Variants in NOTCH2 observed in about 807,000 individuals in gnomAD.
NOTCH2 encodes the protein notch receptor 2, also known as neurogenic locus notch homolog protein 2.
In NOTCH2, 29 loss-of-function variants were observed where a neutral mutation model predicts 235.8. The ratio of observed to expected loss-of-function variants is 0.12; its 90% CI spans 0.09 to 0.17. The LOEUF (loss-of-function observed/expected upper bound fraction) is 0.17. Ranked by LOEUF, NOTCH2 falls within the 10% of genes least tolerant of loss-of-function variation. NOTCH2 has a pLI of 1.00. For synonymous variants in NOTCH2, 1,086 were observed against 1,141.5 expected (o/e 0.95, Z 0.98); for missense variants, 2,285 against 3,150.2 (o/e 0.73, Z 6.57).
At chr1:119,950,250 C>T (rs1650419459) in intron 15 of NOTCH2, 4 of 354,804 alleles carry the variant, frequency 1.1e-5, no homozygotes, top group South Asian at 8.7e-5. Context: ...CAAGCAAGCT[C>T]CCTTTGCCTC....
intron 11 of NOTCH2, among the ~76,000 whole-genome samples, chr1:119,960,494 CA>C (rs1650895281): frequency 2.0e-5 from 3 of 149,450 alleles, no homozygotes; most frequent in African/African-American, 7.4e-5. Flanking sequence ...TATCTCTTTA[CA>C]AATAATGGTA....
intron 17 of NOTCH2, among the ~76,000 whole-genome samples, chr1:119,946,959 T>G (rs782032743): frequency 5.3e-5 from 8 of 152,108 alleles, no homozygotes; most frequent in Non-Finnish European, 1.2e-4. Flanking sequence ...CTACAACTAA[T>G]AAGAAGTTAG....
intron 3 of NOTCH2, among the ~76,000 whole-genome samples, chr1:119,999,790 A>G (rs1652638090): frequency 2.6e-5 from 4 of 151,904 alleles, no homozygotes; most frequent in Admixed American, 1.3e-4. Flanking sequence ...GCTGAGGCAC[A>G]AGAATCACTC....
intron 14 of NOTCH2, among the ~76,000 whole-genome samples, chr1:119,952,437 G>C (rs1650515482): frequency 1.3e-5 from 2 of 152,062 alleles, no homozygotes; most frequent in South Asian, 4.1e-4. Context: ...GAATTGGTGG[G>C]AGCCCTGAGC....
Position 119,975,644 on chromosome 1 carries a change from CAAAAAAA to C in NOTCH2, c.875-5907_875-5901del, listed in dbSNP as rs11316344. On this transcript the variant is annotated intron_variant, in intron 5 of 33. Transcript: ENST00000256646. ...CTGGCGACAGAGCAAGACTCCATCTCAAAAAAAAAAAAAAAAAAAAATTATGGACACA... is the reference window on the plus strand; with the variant it reads ...CTGGCGACAGAGCAAGACTCCATCTCAAAAAAAAAAAAAATTATGGACACA... Among the ~76,000 whole-genome samples the C allele has an allele frequency of 3.5e-3, 353 of 99,740 alleles. 1 individual carries two copies. The highest frequency in any genetic ancestry group is 0.013 in the African/African-American group (341 of 26,868). The allele number at this position is 99,740 out of a possible 152,430, so 65.4% of individuals were successfully genotyped here.
rs1651027849 is a variant in NOTCH2 at position 119,963,655 on chromosome 1, A to G, written c.1834T>C (p.Tyr612His). The G allele has an allele frequency of 6.2e-7, 1 of 1,614,066 alleles. No homozygotes were observed. The highest frequency in any genetic ancestry group is 8.5e-7 in the Non-Finnish European group (1 of 1,180,020). The change falls in exon 11 of 34, where the codon TAC becomes CAC. Residue 612 changes from tyrosine to histidine, a missense_variant. Coordinates refer to ENST00000256646, the MANE Select transcript of NOTCH2 (RefSeq NM_024408.4). ...AICSDQIDECYSSPCLNDGRC... is the reference protein window; with the variant it reads ...AICSDQIDECHSSPCLNDGRC... Reference sequence around the variant, plus strand: ...CCATCGTTCAGGCAAGGGCTGCTGTAACATTCATCAATCTGGTCACTGCAG... The same window carrying G: ...CCATCGTTCAGGCAAGGGCTGCTGTGACATTCATCAATCTGGTCACTGCAG...
intron 4 of NOTCH2, among the ~76,000 whole-genome samples, chr1:119,989,332 A>G (rs1652141810): frequency 6.6e-6 from 1 of 152,136 alleles, no homozygotes; most frequent in Non-Finnish European, 1.5e-5. Context: ...GCACATAAAA[A>G]TTAACTCAAA....
At chr1:119,942,621 T>A (rs1202898681) in intron 17 of NOTCH2, among the ~76,000 whole-genome samples, 1 of 152,240 alleles carries the variant, frequency 6.6e-6, no homozygotes, top group Non-Finnish European at 1.5e-5. Context: ...ACAGCTACTA[T>A]AATTTCCATA....
intron 4 of NOTCH2, among the ~76,000 whole-genome samples, chr1:119,988,847 C>T (rs1402727244): frequency 6.6e-6 from 1 of 152,152 alleles, no homozygotes; most frequent in African/African-American, 2.4e-5. Flanking sequence ...TAGCGAAGCC[C>T]TTGTAGCTCA....
At chr1:120,013,921 T>C (rs587607388) in intron 2 of NOTCH2, among the ~76,000 whole-genome samples, 3 of 151,868 alleles carry the variant, frequency 2.0e-5, no homozygotes, top group South Asian at 4.2e-4. Flanking sequence ...ATATCTATAA[T>C]TCCATTAAGC....
intron 5 of NOTCH2, among the ~76,000 whole-genome samples, chr1:119,972,298 G>A (rs1651395612): frequency 6.6e-6 from 1 of 152,122 alleles, no homozygotes; most frequent in Non-Finnish European, 1.5e-5. Flanking sequence ...TCAAAGTAAT[G>A]ACAGCTGTGT....
intron 2 of NOTCH2, among the ~76,000 whole-genome samples, chr1:120,013,898 C>A (rs1160202985): frequency 6.6e-6 from 1 of 151,740 alleles, no homozygotes; most frequent in Admixed American, 6.6e-5. Context: ...GCTAAACACC[C>A]AACAACCCTT....
At chr1:120,047,691 A>G (rs1654836716) in intron 1 of NOTCH2, among the ~76,000 whole-genome samples, 1 of 150,398 alleles carries the variant, frequency 6.6e-6, no homozygotes, top group East Asian at 2.0e-4. Context: ...CTCAAAAAAA[A>G]AAAAAAAGTC....
intron 16 of NOTCH2, among the ~76,000 whole-genome samples, chr1:119,948,779 G>A (rs1650352379): frequency 1.3e-5 from 2 of 152,124 alleles, no homozygotes; most frequent in Non-Finnish European, 2.9e-5. Flanking sequence ...CATGGCTTGT[G>A]AGGCTTAGGT....
chr1:119,924,968 G>C (rs587699122), intron 25 of NOTCH2, among the ~76,000 whole-genome samples: 1 of 152,328 alleles, frequency 6.6e-6, no homozygotes, highest in African/African-American at 2.4e-5. Context: ...TGAAGAGAGA[G>C]ATACAGACCT....
At chr1:120,046,354 G>A (rs1291034144) in intron 1 of NOTCH2, among the ~76,000 whole-genome samples, 1 of 18,854 alleles carries the variant, frequency 5.3e-5, no homozygotes, top group East Asian at 6.4e-4. Flanking sequence ...TTCTATGCCT[G>A]GCTCTCTATC....
In NOTCH2 at chr1:120,005,165, G is replaced by T. The variant is rs1157501081; in HGVS notation, c.415+164C>A. 5.8e-6 allele frequency: 5 copies of T among 860,448 alleles called. No homozygotes were observed. In the Admixed American group the frequency reaches 1.1e-4, roughly 19 times the overall value. 53.3% of individuals were successfully genotyped at this position (860,448 alleles called of 1,614,324 possible). ...TCTCTGCCCCCTGAAACTCTTAAAA[G>T]GAAGTTAGGGATAGTTGTCTGGAAC... On this transcript the variant is annotated intron_variant, in intron 3 of 33. Transcript: ENST00000256646.
Position 119,955,053 on chromosome 1 carries a change from C to T in NOTCH2, c.2206G>A (p.Gly736Arg). 4 of 1,613,870 alleles carry T rather than the reference C, an allele frequency of 2.5e-6. No homozygotes were observed. Among genetic ancestry groups the T allele is most frequent in the Non-Finnish European group, 3.4e-6 (4 of 1,179,954 alleles). The change falls in exon 13 of 34, where the codon GGA (glycine) becomes AGA (arginine). Residue 736 changes from glycine to arginine, a missense_variant. Physicochemically the swap from Gly to Arg is moderately radical, Grantham distance 125. This residue lies in a region of NOTCH2 where 1,173 missense variants were observed against 1,515.3 expected (regional missense o/e 0.77). Transcript: ENST00000256646. ...SNPCIHGNCT[G>R]GLSGYKCLCD... ...GCAGCTACTCACCCACTGAGACCTCCAGTACAGTTTCCATGGATGCAGGGA... is the reference window on the plus strand; with the variant it reads ...GCAGCTACTCACCCACTGAGACCTCTAGTACAGTTTCCATGGATGCAGGGA...
chr1:119,968,391 G>A (rs587613027), intron 6 of NOTCH2, among the ~76,000 whole-genome samples, 159 bp from the exon 7 acceptor site: 1 of 152,130 alleles, frequency 6.6e-6, no homozygotes, highest in Non-Finnish European at 1.5e-5. Flanking sequence ...CTACCTTGGG[G>A]ACATGCTTGG....
Sources: gnomAD v4.1 joint callset for allele counts (sites outside exome capture counted in the v4.1 genomes callset) on GRCh38, gnomAD v4.1.1 for gene constraint, gnomAD v4.1.1 regional missense constraint, MANE v1.5 for transcripts, NCBI Gene and HGNC (gene_info 2026-07-23, HGNC 2026-07-21) for gene names.